ST3GAL2: variants seen among roughly 807,000 people sequenced by gnomAD.
ST3GAL2 encodes CMP-N-acetylneuraminate-beta-galactosamide-alpha-2,3-sialyltransferase 2.
In ST3GAL2, 16 loss-of-function variants were observed where a neutral mutation model predicts 37.5. That is an observed-to-expected ratio of 0.43 (90% CI 0.29 to 0.65). ST3GAL2 has a LOEUF of 0.65. Ranked by LOEUF, ST3GAL2 falls within the 30% of genes least tolerant of loss-of-function variation. ST3GAL2 has a pLI of 0.17. For synonymous variants in ST3GAL2, 238 were observed against 202.9 expected (o/e 1.17, Z -1.47); for missense variants, 383 against 487.8 (o/e 0.79, Z 2.02).
At chr16:70,430,187 G>A (rs1197703306) in intron 1 of ST3GAL2, among the ~76,000 whole-genome samples, 1 of 152,246 alleles carries the variant, frequency 6.6e-6, no homozygotes, top group Non-Finnish European at 1.5e-5. Flanking sequence ...CACAGCATTA[G>A]TGGCAGGGTA....
rs1292644334 is a variant in ST3GAL2 at position 70,378,798 on chromosome 16, C to G, written c.*2891G>C. 1 of 152,130 alleles carries G rather than the reference C, an allele frequency of 6.6e-6. No individual in the cohort carries two copies. Among genetic ancestry groups the G allele is most frequent in the Non-Finnish European group, 1.5e-5 (1 of 68,108 alleles). The allele number at this position is 152,130 out of a possible 1,614,324, so 9.4% of individuals were successfully genotyped here. A position where few individuals can be genotyped will look rare whatever the true frequency, so the allele number is the denominator to read the frequency against. ...ATCACCTGAGGTCTGGAGTTCAAGACTAGCCTGACCAACATGGAGAAAACC... is the reference window on the plus strand; with the variant it reads ...ATCACCTGAGGTCTGGAGTTCAAGAGTAGCCTGACCAACATGGAGAAAACC... On this transcript the variant is annotated 3_prime_UTR_variant, in exon 7 of 7. Transcript: ENST00000342907.
chr16:70,416,656 G>A (rs1360752451), intron 1 of ST3GAL2, among the ~76,000 whole-genome samples: 2 of 152,200 alleles, frequency 1.3e-5, no homozygotes, highest in African/African-American at 4.8e-5. Context: ...GTATGCATAT[G>A]AAAGTGATAA....
chr16:70,418,059 G>A (rs1173170568), intron 1 of ST3GAL2, among the ~76,000 whole-genome samples: 1 of 152,152 alleles, frequency 6.6e-6, no homozygotes, highest in African/African-American at 2.4e-5. Flanking sequence ...AGCTGTCAGG[G>A]TCCTCTTTTT....
At chr16:70,420,488 C>CT (rs2047707635) in intron 1 of ST3GAL2, among the ~76,000 whole-genome samples, 1 of 152,124 alleles carries the variant, frequency 6.6e-6, no homozygotes, top group South Asian at 2.1e-4. Flanking sequence ...GAGAGGATTC[C>CT]TGGTGGCATG....
intron 1 of ST3GAL2, among the ~76,000 whole-genome samples, chr16:70,412,944 G>A (rs987627846): frequency 1.3e-5 from 2 of 151,396 alleles, no homozygotes; most frequent in Non-Finnish European, 2.9e-5. Flanking sequence ...AAGTCAAGAC[G>A]CTAAGGCGAA....
At position 70,433,142 on chromosome 16, in the gene ST3GAL2, C is replaced by T. The variant is rs145644961; in HGVS notation, c.-1004+5807G>A. Among the ~76,000 whole-genome samples the T allele has an allele frequency of 3.5e-3, 538 of 152,332 alleles. 2 individuals carry two copies. The Middle Eastern group carries it at 0.058, about 16-fold the overall frequency. On this transcript the variant is annotated intron_variant, in intron 1 of 6. Transcript: ENST00000342907. Reference sequence around the variant, plus strand: ...AGGAACCAGCTCTCATCACCAGGCACTGAAACTCCAAGCCCCAGCCCATCA... The same window carrying T: ...AGGAACCAGCTCTCATCACCAGGCATTGAAACTCCAAGCCCCAGCCCATCA...
intron 4 of ST3GAL2, among the ~76,000 whole-genome samples, chr16:70,383,617 G>A (rs539820807): frequency 2.2e-4 from 33 of 151,330 alleles, no homozygotes; most frequent in African/African-American, 8.0e-4. Context: ...GGAAGGAAGG[G>A]AAAGGAGAAA....
rs1486189175 is a variant in ST3GAL2 at position 70,379,022 on chromosome 16, A to T, written c.*2667T>A. On this transcript the variant is annotated 3_prime_UTR_variant, in exon 7 of 7. Transcript: ENST00000342907. ...CAATAAATAAATAAATTAAATAAAT[A>T]AAAATGCGGGTTGCCTGTGGCATGG... 1.3e-5 allele frequency: 2 copies of T among 152,210 alleles called. No homozygotes were observed. Among genetic ancestry groups the T allele is most frequent in the Admixed American group, 6.6e-5 (1 of 15,256 alleles). 9.4% of individuals were successfully genotyped at this position (152,210 alleles called of 1,614,324 possible).
intron 4 of ST3GAL2, among the ~76,000 whole-genome samples, chr16:70,387,002 C>G (rs1242765064): frequency 6.6e-6 from 1 of 152,118 alleles, no homozygotes; most frequent in Admixed American, 6.6e-5. Flanking sequence ...CCGTATAATC[C>G]CAGCACTTCG....
At position 70,434,221 on chromosome 16, in the gene ST3GAL2, G is replaced by A. The variant is rs574646204; in HGVS notation, c.-1004+4728C>T. On this transcript the variant is annotated intron_variant, in intron 1 of 6. Transcript: ENST00000342907. ...TGGGAGGCCGAGGCAGGCGGATCAC[G>A]AGGTCAGGAGTTCGAGACCAGCCTG... is the stretch of plus-strand genomic sequence containing the variant. Among the ~76,000 whole-genome samples the A allele has an allele frequency of 1.4e-4, 22 of 152,234 alleles. No homozygotes were observed. In the South Asian group the frequency reaches 3.1e-3, roughly 22 times the overall value.
chr16:70,401,926 G>A (rs1320267476), intron 1 of ST3GAL2, among the ~76,000 whole-genome samples: 7 of 150,602 alleles, frequency 4.6e-5, no homozygotes, highest in African/African-American at 7.4e-5. Flanking sequence ...CCCAGGAGGC[G>A]GAGGTTGCAG....
Sources: allele counts gnomAD v4.1 joint callset (sites outside exome capture counted in the v4.1 genomes callset), GRCh38; gene constraint gnomAD v4.1.1; transcripts MANE v1.5; gene names NCBI Gene and HGNC (gene_info 2026-07-23, HGNC 2026-07-21).